Variants in SNTG1 observed in about 807,000 individuals in gnomAD.
SNTG1 encodes the protein gamma-1-syntrophin.
A neutral mutation model predicts 74.7 loss-of-function variants in SNTG1; 39 were observed. That is an observed-to-expected ratio of 0.52 (90% confidence interval 0.40 to 0.68). SNTG1 has a LOEUF of 0.68. Ranked by LOEUF, SNTG1 falls within the 30% of genes least tolerant of loss-of-function variation. The pLI is 0.00. For missense variants in SNTG1, 685 were observed against 609.5 expected (o/e 1.12, Z -1.30); for synonymous variants, 254 against 217.1 (o/e 1.17, Z -1.49).
At position 50,287,908 on chromosome 8, in the gene SNTG1, C is replaced by T. The variant is rs955321859; in HGVS notation, c.-27-106304C>T. Among the ~76,000 whole-genome samples the T allele has an allele frequency of 7.9e-5, 12 of 152,106 alleles. No individual in the cohort carries two copies. In the East Asian group the frequency reaches 2.3e-3, roughly 29 times the overall value. On this transcript the variant is annotated intron_variant, in intron 2 of 18. Coordinates refer to ENST00000642720, the MANE Select transcript of SNTG1 (RefSeq NM_018967.5). ...TGTGTCCTTTCCACCCCTCTGTGTC[C>T]ATCCAGCTCATCATATTGTGTTTTC...
At chr8:50,177,408 C>A (rs2083039387) in intron 2 of SNTG1, among the ~76,000 whole-genome samples, 1 of 152,154 alleles carries the variant, frequency 6.6e-6, no homozygotes, top group African/African-American at 2.4e-5. Context: ...GCAGTCAGTG[C>A]CTCATTCCCG....
At chr8:50,421,750 A>T (rs974836005) in intron 4 of SNTG1, among the ~76,000 whole-genome samples, 2 of 152,200 alleles carry the variant, frequency 1.3e-5, no homozygotes, top group African/African-American at 4.8e-5. Flanking sequence ...GATCACTGAC[A>T]TGAGACATAT....
At chr8:50,660,092 C>T (rs562015653) in intron 15 of SNTG1, among the ~76,000 whole-genome samples, 5 of 152,024 alleles carry the variant, frequency 3.3e-5, no homozygotes, top group Admixed American at 1.3e-4. Context: ...TGCCTACCTC[C>T]GCCTCCCAAA....
At chr8:50,699,200 G>T (rs1189004290) in intron 15 of SNTG1, among the ~76,000 whole-genome samples, 1 of 126,722 alleles carries the variant, frequency 7.9e-6, no homozygotes, top group African/African-American at 2.6e-5. Flanking sequence ...GAAAAAGCAA[G>T]CAGGAAGAGG....
intron 15 of SNTG1, among the ~76,000 whole-genome samples, chr8:50,660,312 A>T (rs1325169082): frequency 2.8e-5 from 4 of 144,230 alleles, no homozygotes; most frequent in African/African-American, 1.1e-4. Flanking sequence ...AGAAAGAGAG[A>T]CAGTAAGAAG....
chr8:49,929,627 C>G (rs1030236217), intron 1 of SNTG1, among the ~76,000 whole-genome samples: 1 of 152,168 alleles, frequency 6.6e-6, no homozygotes, highest in East Asian at 1.9e-4. Flanking sequence ...GTGTCAGTAG[C>G]TTTATCAGGG....
chr8:49,938,515 T>C (rs1054849915), intron 1 of SNTG1, among the ~76,000 whole-genome samples: 2 of 151,924 alleles, frequency 1.3e-5, no homozygotes, highest in African/African-American at 4.8e-5. Context: ...TTGTGGAATT[T>C]CTCTTTGTCC....
At chr8:50,053,466 T>C (rs537589079) in intron 1 of SNTG1, among the ~76,000 whole-genome samples, 2 of 152,098 alleles carry the variant, frequency 1.3e-5, no homozygotes, top group South Asian at 2.1e-4. Context: ...TTTCTTTGTG[T>C]AAGTAAAATA....
intron 1 of SNTG1, among the ~76,000 whole-genome samples, chr8:50,112,720 G>C (rs542117669): frequency 6.6e-6 from 1 of 151,566 alleles, no homozygotes; most frequent in Non-Finnish European, 1.5e-5. Flanking sequence ...ATGGGGTTTC[G>C]CCATGTTGGC....
At chr8:50,489,732 C>T (rs528341460) in intron 8 of SNTG1, among the ~76,000 whole-genome samples, 95 of 152,294 alleles carry the variant, frequency 6.2e-4, no homozygotes, top group Middle Eastern at 3.4e-3. Context: ...GTTGCCTGTT[C>T]ATACCGATGA....
At chr8:50,461,967 A>G (rs1249317823) in intron 8 of SNTG1, among the ~76,000 whole-genome samples, 2 of 152,092 alleles carry the variant, frequency 1.3e-5, no homozygotes, top group Non-Finnish European at 2.9e-5. Flanking sequence ...CTGTTCATAT[A>G]CACATAGAGG....
intron 2 of SNTG1, among the ~76,000 whole-genome samples, chr8:50,252,655 A>C (rs536920221): frequency 6.6e-6 from 1 of 152,286 alleles, no homozygotes; most frequent in African/African-American, 2.4e-5. Context: ...GGCAAGGCTG[A>C]GAACAAGAGA....
intron 2 of SNTG1, among the ~76,000 whole-genome samples, chr8:50,182,946 C>A (rs978394204): frequency 1.3e-5 from 2 of 152,058 alleles, no homozygotes; most frequent in Non-Finnish European, 2.9e-5. Flanking sequence ...ATATTATTCT[C>A]CCCTTTATCC....
intron 2 of SNTG1, among the ~76,000 whole-genome samples, chr8:50,277,494 G>A (rs1187686440): frequency 6.6e-6 from 1 of 152,002 alleles, no homozygotes; most frequent in Non-Finnish European, 1.5e-5. Flanking sequence ...CGAAAGTAAG[G>A]GAGACCTATG....
intron 1 of SNTG1, among the ~76,000 whole-genome samples, chr8:50,058,732 A>ATT (rs869105191): frequency 6.7e-6 from 1 of 148,728 alleles, no homozygotes; most frequent in East Asian, 1.9e-4. Context: ...TTTTACTTAC[A>ATT]TTTGTGTGTG....
chr8:50,143,947 C>A (rs1373000044), intron 1 of SNTG1, among the ~76,000 whole-genome samples: 1 of 152,080 alleles, frequency 6.6e-6, no homozygotes, highest in Non-Finnish European at 1.5e-5. Context: ...AGCTGAGAAG[C>A]ATAACAAGAA....
intron 2 of SNTG1, among the ~76,000 whole-genome samples, chr8:50,344,461 C>T (rs1045691276): frequency 3.2e-4 from 49 of 152,124 alleles, no homozygotes; most frequent in Admixed American, 3.2e-3. Context: ...CCACACACTC[C>T]ATCCAGTTTC....
intron 5 of SNTG1, among the ~76,000 whole-genome samples, chr8:50,447,036 T>C (rs1372849645): frequency 1.3e-5 from 2 of 152,206 alleles, no homozygotes; most frequent in Admixed American, 1.3e-4. Flanking sequence ...ATGTGCTTCC[T>C]TTCTCTCACA....
At chr8:50,004,741 C>T (rs767746292) in intron 1 of SNTG1, among the ~76,000 whole-genome samples, 3 of 152,176 alleles carry the variant, frequency 2.0e-5, no homozygotes, top group Non-Finnish European at 4.4e-5. Flanking sequence ...CTTCCTTTGT[C>T]TCCTGAAATA....
Sources: gnomAD v4.1 joint callset for allele counts (sites outside exome capture counted in the v4.1 genomes callset) on GRCh38, gnomAD v4.1.1 for gene constraint, MANE v1.5 for transcripts, NCBI Gene and HGNC (gene_info 2026-07-23, HGNC 2026-07-21) for gene names.